The following ANKRD36B variants were observed in gnomAD, a reference collection of about 807,000 sequenced individuals.
The protein encoded by ANKRD36B is ankyrin repeat domain 36B, also known as ankyrin repeat domain-containing protein 36B.
A neutral mutation model predicts 135.7 loss-of-function variants in ANKRD36B; 37 were observed. That is an observed-to-expected ratio of 0.27 (90% CI 0.21 to 0.36). The LOEUF is 0.36. Among genes scored for constraint, ANKRD36B ranks in the 10% least tolerant of loss-of-function variants. The pLI, the probability that ANKRD36B is intolerant of heterozygous loss-of-function variation, is 1.00. For missense variants in ANKRD36B, 549 were observed against 1,037.1 expected (o/e 0.53, Z 6.46); for synonymous variants, 179 against 348.1 (o/e 0.51, Z 5.41).
chr2:97,547,475 G>C (rs2079581029), intron 22 of ANKRD36B, 61 bp downstream of exon 22: 1 of 1,478,336 alleles, frequency 6.8e-7, no homozygotes, highest in Non-Finnish European at 9.2e-7. Context: ...GATTTATTCA[G>C]GGAAGAGAAT....
intron 8 of ANKRD36B, among the ~76,000 whole-genome samples, chr2:97,559,483 T>C (rs1477446375): frequency 6.6e-6 from 1 of 151,928 alleles, no homozygotes; most frequent in Non-Finnish European, 1.5e-5. Flanking sequence ...ACTTCACGTC[T>C]CTTCGGTGGA....
rs754923520 is a variant in ANKRD36B, at chr2:97,540,275, A to G, written c.1886-46T>C. The G allele has an allele frequency of 2.1e-6, 2 of 936,732 alleles. 1 individual carries two copies. Among genetic ancestry groups the G allele is most frequent in the East Asian group, 5.1e-5 (2 of 39,258 alleles). 58.0% of individuals were successfully genotyped at this position (936,732 alleles called of 1,614,324 possible). A position where few individuals can be genotyped will look rare whatever the true frequency, so the allele number is the denominator to read the frequency against. ...ATAATCACCCACATGCACGTATGAT[A>G]AAGTTATTCATACATTCATGCAGTG... is the stretch of plus-strand genomic sequence containing the variant. On this transcript the variant is annotated intron_variant, in intron 28 of 43. Coordinates refer to ENST00000359901, the MANE Select transcript of ANKRD36B (RefSeq NM_001393939.1).
rs182305070 is a variant in ANKRD36B, at chr2:97,526,930, G to A, written c.2266-3463C>T. On this transcript the variant is annotated intron_variant, in intron 35 of 43. Coordinates refer to ENST00000359901, the MANE Select transcript of ANKRD36B (RefSeq NM_001393939.1). ...GAAAAGACCAAATCTACATCTGATT[G>A]GTGTACCTGAAAGTCACGGGGAGAA... Among the ~76,000 whole-genome samples, 4 of 96,568 alleles carry A rather than the reference G, an allele frequency of 4.1e-5. 2 individuals are homozygous for A. Among genetic ancestry groups the A allele is most frequent in the Admixed American group, 3.7e-4 (4 of 10,932 alleles). 63.4% of individuals were successfully genotyped at this position (96,568 alleles called of 152,430 possible).
Position 97,525,068 on chromosome 2 carries a change from T to A in ANKRD36B, c.2266-1601A>T, listed in dbSNP as rs531439834. The A allele has an allele frequency of 4.1e-5, 4 of 97,618 alleles. 1 individual carries two copies. Among genetic ancestry groups the A allele is most frequent in the Admixed American group, 3.6e-4 (4 of 11,052 alleles). The allele number at this position is 97,618 out of a possible 1,614,324, so 6.0% of individuals were successfully genotyped here. On this transcript the variant is annotated intron_variant, in intron 35 of 43. Coordinates refer to ENST00000359901, the MANE Select transcript of ANKRD36B (RefSeq NM_001393939.1). ...AATAATTAAAGTTTAATATCAAACT[T>A]CTTAATCTATGTTTACCTACTGCCA...
intron 19 of ANKRD36B, 44 bp downstream of exon 19, chr2:97,549,542 A>T (rs1559161110): frequency 6.2e-7 from 1 of 1,608,354 alleles, no homozygotes; most frequent in Non-Finnish European, 8.5e-7. Flanking sequence ...TGTTTCATAG[A>T]CCATACATTA....
Position 97,555,152 on chromosome 2 carries a change from A to G in ANKRD36B, c.1099-20T>C, listed in dbSNP as rs1480460767. The G allele has an allele frequency of 6.2e-7, 1 of 1,611,650 alleles. No individual in the cohort carries two copies. Among genetic ancestry groups the G allele is most frequent in the South Asian group, 1.1e-5 (1 of 91,010 alleles). ...TGCAGTCTGAAAGTAATTTGAAGCAAATTATCAATAAAGAAAGTATGTTTC... is the reference window on the plus strand; with the variant it reads ...TGCAGTCTGAAAGTAATTTGAAGCAGATTATCAATAAAGAAAGTATGTTTC... On this transcript the variant is annotated intron_variant, in intron 13 of 43. Transcript: ENST00000359901.
intron 6 of ANKRD36B, among the ~76,000 whole-genome samples, chr2:97,561,582 T>A (rs2595339): frequency 6.6e-6 from 1 of 151,874 alleles, no homozygotes; most frequent in Non-Finnish European, 1.5e-5. Flanking sequence ...TGACATACTT[T>A]TACAAAATAA....
Position 97,547,586 on chromosome 2 carries a change from G to C in ANKRD36B, c.1529C>G (p.Ser510Cys). The change falls in exon 22 of 44, where the codon TCT (serine) becomes TGT (cysteine). Residue 510 changes from serine to cysteine, a missense_variant. By Grantham distance (112) the Ser-to-Cys change is moderately radical. Transcript: ENST00000359901. ...GLKATRDEKD[S>C]LLNIARGKKD... ...TTTTCCTCTGGCTATATTCAAAAGA[G>C]AATCTTTCTCGTCTCTTGTAGCCTG... The C allele has an allele frequency of 2.5e-6, 4 of 1,569,900 alleles. No individual in the cohort carries two copies. In the South Asian group the frequency reaches 4.5e-5, roughly 18 times the overall value.
In ANKRD36B at chr2:97,551,495, G is replaced by T. The variant is rs995777544; in HGVS notation, c.1274-15C>A. The T allele has an allele frequency of 6.2e-7, 1 of 1,607,366 alleles. No homozygotes were observed. The highest frequency in any genetic ancestry group is 1.3e-5 in the African/African-American group (1 of 74,634). Reference sequence around the variant, plus strand: ...CTGAGAAGACACTGAAAAGCAAAAGGGATACATAATCACTCATATGTAACT... The same window carrying T: ...CTGAGAAGACACTGAAAAGCAAAAGTGATACATAATCACTCATATGTAACT... On this transcript the variant is annotated splice_polypyrimidine_tract_variant and intron_variant, in intron 16 of 43. Coordinates refer to ENST00000359901, the MANE Select transcript of ANKRD36B (RefSeq NM_001393939.1).
intron 43 of ANKRD36B, among the ~76,000 whole-genome samples, chr2:97,496,427 G>A (rs1409121883): frequency 1.4e-5 from 1 of 72,146 alleles, no homozygotes; most frequent in Admixed American, 1.2e-4. Flanking sequence ...GATCATTGAT[G>A]AGGGCAGTTA....
chr2:97,558,861 T>C lies in ANKRD36B; in HGVS notation c.905A>G (p.Asp302Gly). 6.2e-7 allele frequency: 1 copy of C among 1,611,346 alleles called. No homozygotes were observed. The highest frequency in any genetic ancestry group is 2.2e-5 in the East Asian group (1 of 44,832). ...QKQPAEKATS[D>G]EKDSVSNIAT... ...TATATTTGAAACAGAATCTTTCTCG[T>C]CACTTGTAGCCTGAATGGGATTTGA... is the stretch of plus-strand genomic sequence containing the variant. The change falls in exon 10 of 44, where the codon GAC becomes GGC. Residue 302 changes from aspartate (D) to glycine (G), a missense_variant. Transcript: ENST00000359901.
chr2:97,571,167 C>A (rs1376560460), intron 6 of ANKRD36B, among the ~76,000 whole-genome samples: 1 of 152,098 alleles, frequency 6.6e-6, no homozygotes, highest in African/African-American at 2.4e-5. Context: ...TTCAACTCAC[C>A]AAGGTTTCTT....
rs1261170541 is a variant in ANKRD36B, at chr2:97,549,575, A to C, written c.1404+11T>G. 1 of 1,608,982 alleles carries C rather than the reference A, an allele frequency of 6.2e-7. No individual in the cohort carries two copies. Among genetic ancestry groups the C allele is most frequent in the Non-Finnish European group, 8.5e-7 (1 of 1,177,962 alleles). On this transcript the variant is annotated intron_variant, in intron 19 of 43. Transcript: ENST00000359901. Reference sequence around the variant, plus strand: ...TTAACTAGTTCACAATATAAATGAGAGTTTCATTACCTTCAAGGCTGGTGG... The same window carrying C: ...TTAACTAGTTCACAATATAAATGAGCGTTTCATTACCTTCAAGGCTGGTGG...
rs761038814 is a variant in ANKRD36B, at chr2:97,536,268, T to C, written c.2191+32A>G. 4.2e-5 allele frequency: 35 copies of C among 825,212 alleles called. 9 individuals are homozygous for C. The Admixed American group carries it at 8.2e-4, about 19-fold the overall frequency. The allele number at this position is 825,212 out of a possible 1,614,324, so 51.1% of individuals were successfully genotyped here. Reference sequence around the variant, plus strand: ...ATTACAAACAGATTAATGTACTTCTTTCCAGAGTTAAATCTACAATGCAAA... The same window carrying C: ...ATTACAAACAGATTAATGTACTTCTCTCCAGAGTTAAATCTACAATGCAAA... On this transcript the variant is annotated intron_variant, in intron 34 of 43. Coordinates refer to ENST00000359901, the MANE Select transcript of ANKRD36B (RefSeq NM_001393939.1).
chr2:97,558,917 C>T (rs754286237), intron 9 of ANKRD36B, 46 bp from the exon 10 acceptor site: 1 of 1,608,130 alleles, frequency 6.2e-7, no homozygotes, highest in Non-Finnish European at 8.5e-7. Context: ...AAGTAGGTTT[C>T]ATAGACTATA....
chr2:97,553,861 GT>G (rs1213623874), intron 14 of ANKRD36B, among the ~76,000 whole-genome samples: 68 of 152,052 alleles, frequency 4.5e-4, no homozygotes, highest in African/African-American at 1.4e-3. Context: ...GAATGTACAC[GT>G]CATGTCTCTG....
chr2:97,509,041 C>T lies in ANKRD36B; in HGVS notation c.3873+540G>A, dbSNP rs1212318984. ...ATACAAAGGAAGTAAGGATTTTCAT[C>T]GAAATAAAAATTTATTCAGTAAAAT... On this transcript the variant is annotated intron_variant, in intron 40 of 43. Coordinates refer to ENST00000359901, the MANE Select transcript of ANKRD36B (RefSeq NM_001393939.1). Among the ~76,000 whole-genome samples the T allele has an allele frequency of 7.3e-5, 7 of 96,028 alleles. 2 individuals carry two copies. The highest frequency in any genetic ancestry group is 1.9e-4 in the Admixed American group (2 of 10,634). The allele number at this position is 96,028 out of a possible 152,430, so 63.0% of individuals were successfully genotyped here.
intron 16 of ANKRD36B, 138 bp from the exon 17 acceptor site, chr2:97,551,618 G>C: frequency 7.1e-7 from 1 of 1,415,776 alleles, no homozygotes; most frequent in Non-Finnish European, 9.7e-7. Context: ...TTTGTGTCTG[G>C]GGATTAGAAC....
At chr2:97,578,408 A>C (rs1425660499) in intron 5 of ANKRD36B, among the ~76,000 whole-genome samples, 1 of 152,012 alleles carries the variant, frequency 6.6e-6, no homozygotes, top group Non-Finnish European at 1.5e-5. Context: ...CAATGATTAG[A>C]ATGTCCTTTC....
Sources: allele counts gnomAD v4.1 joint callset (sites outside exome capture counted in the v4.1 genomes callset), GRCh38; gene constraint gnomAD v4.1.1; transcripts MANE v1.5; gene names NCBI Gene and HGNC (gene_info 2026-07-23, HGNC 2026-07-21).